Variants in TTC7B observed in about 807,000 individuals in gnomAD.
TTC7B encodes the protein tetratricopeptide repeat protein 7B.
TTC7B carries 28 observed loss-of-function variants against 106.8 expected under a neutral mutation model. The observed-to-expected ratio is 0.26, with a 90% CI of 0.19 to 0.36. The LOEUF is 0.36. Ranked by LOEUF, TTC7B falls within the 10% of genes least tolerant of loss-of-function variation. The probability of loss-of-function intolerance (pLI) is 1.00; values close to 1 mark genes in which losing one functional copy is unlikely to be tolerated. For synonymous variants in TTC7B, 405 were observed against 430.6 expected, an observed-to-expected ratio of 0.94 and a Z score of 0.74; for missense variants, 862 against 1,076.4, an observed-to-expected ratio of 0.80 and a Z score of 2.79.
intron 15 of TTC7B, among the ~76,000 whole-genome samples, chr14:90,623,885 G>C (rs548700327): frequency 3.5e-4 from 53 of 152,362 alleles, no homozygotes; most frequent in African/African-American, 1.2e-3. Context: ...GCCAGACGTA[G>C]TGGCACACAT....
chr14:90,644,000 AT>A, intron 15 of TTC7B, 47 bp downstream of exon 15: 1 of 1,608,312 alleles, frequency 6.2e-7, no homozygotes, highest in Non-Finnish European at 8.5e-7. Context: ...GAAGAAGTAA[AT>A]TTAATAACTT....
intron 1 of TTC7B, among the ~76,000 whole-genome samples, chr14:90,788,613 T>G (rs1360853681): frequency 6.6e-6 from 1 of 152,160 alleles, no homozygotes; most frequent in Non-Finnish European, 1.5e-5. Context: ...TTTCAAAAAT[T>G]TGTTTAAATT....
intron 3 of TTC7B, among the ~76,000 whole-genome samples, chr14:90,767,212 G>A (rs1328023253): frequency 2.0e-5 from 3 of 151,966 alleles, no homozygotes; most frequent in South Asian, 2.1e-4. Context: ...GAGCAAGACC[G>A]TGTCTCAATA....
At chr14:90,799,588 C>T (rs1000071849) in intron 1 of TTC7B, among the ~76,000 whole-genome samples, 93 of 152,178 alleles carry the variant, frequency 6.1e-4, no homozygotes, top group African/African-American at 1.9e-3. Flanking sequence ...CAGATCTGAG[C>T]GAAGAGCATT....
chr14:90,640,972 T>C (rs1206755560), intron 15 of TTC7B, among the ~76,000 whole-genome samples: 2 of 152,252 alleles, frequency 1.3e-5, no homozygotes, highest in African/African-American at 4.8e-5. Context: ...CCTTCCATAC[T>C]GGACTAACCC....
chr14:90,774,920 G>C (rs191656924), intron 3 of TTC7B, among the ~76,000 whole-genome samples: 2 of 152,146 alleles, frequency 1.3e-5, no homozygotes, highest in Admixed American at 1.3e-4. Flanking sequence ...GCACGCACCT[G>C]TAATCCCAGC....
intron 15 of TTC7B, among the ~76,000 whole-genome samples, chr14:90,634,442 T>TAAA (rs1331827261): frequency 7.0e-6 from 1 of 142,462 alleles, no homozygotes; most frequent in African/African-American, 2.6e-5. Flanking sequence ...TCAGACTAAG[T>TAAA]AAAAAAAAAA....
chr14:90,565,565 C>T lies in TTC7B; in HGVS notation c.2310+12541G>A, dbSNP rs539856193. On this transcript the variant is annotated intron_variant, in intron 19 of 19. Coordinates refer to ENST00000328459, the MANE Select transcript of TTC7B (RefSeq NM_001010854.2). ...TACAGGCATGCGCCACCATGCCCGG[C>T]TAATTTTTGTATTTTTAGTAGAGAT... 3.9e-5 allele frequency among the ~76,000 whole-genome samples: 6 copies of T among 152,092 alleles called. No individual in the cohort carries two copies. In the South Asian group the frequency reaches 1.2e-3, roughly 32 times the overall value.
Position 90,624,236 on chromosome 14 carries a change from A to G in TTC7B, c.1752-6191T>C, listed in dbSNP as rs1206302940. Among the ~76,000 whole-genome samples the G allele has an allele frequency of 1.3e-5, 2 of 152,186 alleles. No individual in the cohort carries two copies. Among genetic ancestry groups the G allele is most frequent in the Non-Finnish European group, 2.9e-5 (2 of 68,020 alleles). On this transcript the variant is annotated intron_variant, in intron 15 of 19. Coordinates refer to ENST00000328459, the MANE Select transcript of TTC7B (RefSeq NM_001010854.2). The surrounding 1 kb of genome is among the most constrained non-coding windows in gnomAD (Gnocchi z 4.0). ...TTTCATTAAAACAAATAGAAATACT[A>G]TTTTACTGTACTTCTGGAATATTTT...
intron 4 of TTC7B, among the ~76,000 whole-genome samples, chr14:90,741,454 C>T (rs1257253398): frequency 6.6e-6 from 1 of 152,086 alleles, no homozygotes; most frequent in Non-Finnish European, 1.5e-5. Flanking sequence ...TACAGAATGG[C>T]GGGGAAGTGA....
intron 1 of TTC7B, among the ~76,000 whole-genome samples, chr14:90,813,113 A>C (rs1286306): frequency 0.34 from 51,597 of 152,022 alleles, 9,420 homozygotes; most frequent in East Asian, 0.56. Context: ...CCTCCCTAGA[A>C]CATGCTTCTC....
intron 19 of TTC7B, among the ~76,000 whole-genome samples, chr14:90,554,941 G>C (rs1356230574): frequency 1.3e-5 from 2 of 152,186 alleles, no homozygotes; most frequent in African/African-American, 4.8e-5. Flanking sequence ...TCTGAATGAT[G>C]TGGCGCAGGC....
At chr14:90,550,723 C>T (rs555006441) in intron 19 of TTC7B, among the ~76,000 whole-genome samples, 1 of 152,270 alleles carries the variant, frequency 6.6e-6, no homozygotes, top group Non-Finnish European at 1.5e-5. Flanking sequence ...CCCTCTTTAA[C>T]AGCAAGGACC....
intron 1 of TTC7B, among the ~76,000 whole-genome samples, chr14:90,806,189 T>C (rs866090642): frequency 6.6e-6 from 1 of 152,190 alleles, no homozygotes; most frequent in Non-Finnish European, 1.5e-5. Context: ...AGTGGTCACA[T>C]TCCTGTCTGC....
Position 90,666,288 on chromosome 14 carries a change from A to G in TTC7B, c.1153-7901T>C, listed in dbSNP as rs1427345351. On this transcript the variant is annotated intron_variant, in intron 9 of 19. Coordinates refer to ENST00000328459, the MANE Select transcript of TTC7B (RefSeq NM_001010854.2). ...GTGATTCTCCTGCCTCAGCCTCCCA[A>G]ATAGCTGGGATTACAGGCGTGCGCC... 4.6e-5 allele frequency among the ~76,000 whole-genome samples: 7 copies of G among 152,218 alleles called. No individual in the cohort carries two copies. In the East Asian group the frequency reaches 1.2e-3, roughly 25 times the overall value.
At chr14:90,557,075 G>C (rs1412051638) in intron 19 of TTC7B, among the ~76,000 whole-genome samples, 1 of 152,130 alleles carries the variant, frequency 6.6e-6, no homozygotes, top group African/African-American at 2.4e-5. Flanking sequence ...TGAGACAGGG[G>C]GTCCTAGAAA....
At chr14:90,734,471 T>C (rs1209443195) in intron 4 of TTC7B, among the ~76,000 whole-genome samples, 2 of 150,908 alleles carry the variant, frequency 1.3e-5, no homozygotes, top group Non-Finnish European at 3.0e-5. Context: ...TCATTCCACC[T>C]CATAGATCTA....
intron 18 of TTC7B, among the ~76,000 whole-genome samples, chr14:90,587,188 C>T (rs535110322): frequency 3.3e-5 from 5 of 152,292 alleles, no homozygotes; most frequent in South Asian, 2.1e-4. Flanking sequence ...TTGCCCAGGC[C>T]GGACTCAGGC....
intron 3 of TTC7B, chr14:90,766,466 C>T (rs993234854): frequency 3.1e-5 from 20 of 644,940 alleles, no homozygotes; most frequent in Non-Finnish European, 4.2e-5. Context: ...ACATAGAAAA[C>T]CTAAAAAGAA....
Sources: gnomAD v4.1 joint callset for allele counts (sites outside exome capture counted in the v4.1 genomes callset) on GRCh38, gnomAD v4.1.1 for gene constraint, Gnocchi (gnomAD v3.1) non-coding constraint, MANE v1.5 for transcripts, NCBI Gene and HGNC (gene_info 2026-07-23, HGNC 2026-07-21) for gene names.